TIAM1: variants seen among roughly 807,000 people sequenced by gnomAD.
TIAM1 encodes the protein rho guanine nucleotide exchange factor TIAM1.
TIAM1 carries 65 observed loss-of-function variants against 163.5 expected under a neutral mutation model. The ratio of observed to expected loss-of-function variants is 0.40; its 90% CI spans 0.33 to 0.49. The LOEUF is 0.49. Ranked by LOEUF, TIAM1 falls within the 20% of genes least tolerant of loss-of-function variation. The pLI, the probability that TIAM1 is intolerant of heterozygous loss-of-function variation, is 0.77. For missense variants in TIAM1, 1,789 were observed against 2,044.7 expected (o/e 0.87, Z 2.41); for synonymous variants, 833 against 810.1 (o/e 1.03, Z -0.48).
In TIAM1 at chr21:31,534,022, C is replaced by T. The variant is rs904195663; in HGVS notation, c.-422+24905G>A. On this transcript the variant is annotated intron_variant, in intron 1 of 28. Transcript: ENST00000286827. ...TCACACAGCCCCTCCAAAGGACACA[C>T]ATGCCCTGTGGTCTTTCGGAAATAC... Among the ~76,000 whole-genome samples the T allele has an allele frequency of 2.6e-5, 4 of 152,238 alleles. No homozygotes were observed. The East Asian group carries it at 7.7e-4, about 29-fold the overall frequency.
At chr21:31,216,542 A>C (rs2087223473) in intron 9 of TIAM1, among the ~76,000 whole-genome samples, 1 of 152,092 alleles carries the variant, frequency 6.6e-6, no homozygotes, top group Non-Finnish European at 1.5e-5. Flanking sequence ...TCATTTCTCA[A>C]AGCCGAACGA....
At chr21:31,245,756 G>A in intron 5 of TIAM1, 96 bp from the exon 6 acceptor site, 1 of 1,165,668 alleles carries the variant, frequency 8.6e-7, no homozygotes, top group Non-Finnish European at 1.1e-6. Flanking sequence ...GTCAGAGGCT[G>A]AAAATTAAAG....
intron 2 of TIAM1, among the ~76,000 whole-genome samples, chr21:31,367,385 C>A (rs2076521327): frequency 6.6e-6 from 1 of 152,172 alleles, no homozygotes; most frequent in Non-Finnish European, 1.5e-5. Context: ...CAGAATGGGA[C>A]TAGAAGTACC....
chr21:31,293,702 C>T (rs2074118452), intron 2 of TIAM1, among the ~76,000 whole-genome samples: 1 of 152,158 alleles, frequency 6.6e-6, no homozygotes, highest in Non-Finnish European at 1.5e-5. Context: ...ATGAAGAGGT[C>T]GCTGCGAAGA....
Position 31,396,951 on chromosome 21 carries a change from A to G in TIAM1, c.-368-57529T>C, listed in dbSNP as rs974218865. The stretch of plus-strand genomic sequence containing the variant: ...GCGACAGAGTGAGACTCCGTCACAC[A>G]CACAAAAAAAATTTAAATAATATTT... On this transcript the variant is annotated intron_variant, in intron 2 of 28. Transcript: ENST00000286827. 1.1e-4 allele frequency among the ~76,000 whole-genome samples: 16 copies of G among 151,386 alleles called. No individual in the cohort carries two copies. In the East Asian group the frequency reaches 1.6e-3, roughly 15 times the overall value.
At chr21:31,137,517 C>A (rs905208283) in intron 22 of TIAM1, among the ~76,000 whole-genome samples, 1 of 152,008 alleles carries the variant, frequency 6.6e-6, no homozygotes, top group East Asian at 1.9e-4. Flanking sequence ...GAGTTACATA[C>A]AAAAGACAAA....
intron 2 of TIAM1, among the ~76,000 whole-genome samples, chr21:31,431,135 CACTGGAAGA>C (rs1356417547): frequency 6.6e-6 from 1 of 152,186 alleles, no homozygotes; most frequent in East Asian, 1.9e-4. Flanking sequence ...CCCCCTTATC[CACTGGAAGA>C]ACAACCACTC....
At chr21:31,228,218 TTTAAA>T (rs2088115842) in intron 6 of TIAM1, among the ~76,000 whole-genome samples, 1 of 19,040 alleles carries the variant, frequency 5.3e-5, no homozygotes, top group Admixed American at 7.9e-4. Flanking sequence ...GCCTCCTTTT[TTTAAA>T]AAAAAAAAAA....
intron 2 of TIAM1, among the ~76,000 whole-genome samples, chr21:31,413,372 C>T (rs1365345826): frequency 6.6e-6 from 1 of 151,104 alleles, no homozygotes; most frequent in East Asian, 2.0e-4. Flanking sequence ...CGGGTTCACG[C>T]CATTCTCCTG....
chr21:31,266,133 A>G lies in TIAM1; in HGVS notation c.840T>C (p.Thr280=). 3.1e-6 allele frequency: 5 copies of G among 1,614,176 alleles called. No individual in the cohort carries two copies. Among genetic ancestry groups the G allele is most frequent in the Non-Finnish European group, 3.4e-6 (4 of 1,180,038 alleles). The change falls in exon 4 of 28, where the codon ACT becomes ACC. Residue 280 remains threonine (T), a synonymous_variant. Coordinates refer to ENST00000541036, the MANE Select transcript of TIAM1 (RefSeq NM_001353694.2). ...GTGTGTTATAATTACTGTACGGAGG[A>G]GTCTCTTCAGCAGCAGCTGGTGGCA... ...HKMPPAAAEE[T]PPYSNYNTLP... is the part of the protein sequence containing the mutation.
At chr21:31,204,479 A>C (rs2086353223) in intron 11 of TIAM1, among the ~76,000 whole-genome samples, 2 of 152,220 alleles carry the variant, frequency 1.3e-5, no homozygotes, top group South Asian at 4.1e-4. Context: ...AAATAAAGTT[A>C]ATTTTAACTG....
Position 31,228,225 on chromosome 21 carries a change from A to ATT in TIAM1, c.1585-2276_1585-2275insAA, listed in dbSNP as rs1569068597. On this transcript the variant is annotated intron_variant, in intron 6 of 27. Coordinates refer to ENST00000541036, the MANE Select transcript of TIAM1 (RefSeq NM_001353694.2). ...CATGCCCGGCCTCCTTTTTTTAAAAAAAAAAAAAAAAAAAAAAAAAAAAAA... is the reference window on the plus strand; with the variant it reads ...CATGCCCGGCCTCCTTTTTTTAAAAATTAAAAAAAAAAAAAAAAAAAAAAAAA... Among the ~76,000 whole-genome samples, 236 of 25,930 alleles carry ATT rather than the reference A, an allele frequency of 9.1e-3. 9 individuals are homozygous for ATT. Among genetic ancestry groups the ATT allele is most frequent in the African/African-American group, 0.026 (220 of 8,354 alleles). The allele number at this position is 25,930 out of a possible 152,430, so 17.0% of individuals were successfully genotyped here. A position where few individuals can be genotyped will look rare whatever the true frequency, so the allele number is the denominator to read the frequency against.
chr21:31,477,679 T>C (rs1307682997), intron 1 of TIAM1, among the ~76,000 whole-genome samples: 1 of 152,092 alleles, frequency 6.6e-6, no homozygotes, highest in Non-Finnish European at 1.5e-5. Context: ...TTTCACCATG[T>C]TGGCCAGGCT....
Position 31,141,403 on chromosome 21 carries a change from T to C in TIAM1, c.3577A>G (p.Ile1193Val). The C allele has an allele frequency of 6.2e-7, 1 of 1,614,204 alleles. No homozygotes were observed. Among genetic ancestry groups the C allele is most frequent in the Non-Finnish European group, 8.5e-7 (1 of 1,180,044 alleles). ...ESYLIKPIQR[I>V]LKYPLLLREL... ...CTGAGCAGAAGTGGGTACTTGAGGA[T>C]CCTCTGGATGGGCTTGATGAGGTAC... The change falls in exon 21 of 28, where the codon ATC (isoleucine) becomes GTC (valine). Residue 1193 changes from isoleucine (I) to valine (V), a missense_variant. Physicochemically the swap from Ile to Val is conservative, Grantham distance 29. Coordinates refer to ENST00000541036, the MANE Select transcript of TIAM1 (RefSeq NM_001353694.2). This position sits in a 1 kb window ranked among gnomAD's most constrained non-coding sequence, Gnocchi z 4.7.
In TIAM1 at chr21:31,525,426, G is replaced by C. The variant is rs144646979; in HGVS notation, c.-422+33501C>G. Among the ~76,000 whole-genome samples, 426 of 151,192 alleles carry C rather than the reference G, an allele frequency of 2.8e-3. 6 individuals carry two copies. The highest frequency in any genetic ancestry group is 9.2e-3 in the African/African-American group (381 of 41,200). On this transcript the variant is annotated intron_variant, in intron 1 of 28. Transcript: ENST00000286827. ...CTCATAGAGCGAGAACTCGCTCCTT[G>C]TGAGAATGGCACCAAGGCATTCATG...
chr21:31,303,749 G>A (rs569997705), intron 2 of TIAM1, among the ~76,000 whole-genome samples: 8 of 152,138 alleles, frequency 5.3e-5, no homozygotes, highest in South Asian at 2.1e-4. Flanking sequence ...AGGCTGAGGC[G>A]GGTGGATCAC....
intron 1 of TIAM1, among the ~76,000 whole-genome samples, chr21:31,542,567 G>A (rs36038702): frequency 0.15 from 23,368 of 152,134 alleles, 1,956 homozygotes; most frequent in Non-Finnish European, 0.18. Context: ...ACTCCCTCAA[G>A]GATCATCCAT....
At chr21:31,474,657 T>C (rs1000707699) in intron 1 of TIAM1, among the ~76,000 whole-genome samples, 2 of 151,766 alleles carry the variant, frequency 1.3e-5, no homozygotes, top group African/African-American at 4.8e-5. Flanking sequence ...GCGATTCTCC[T>C]GCCTCAGCCT....
chr21:31,501,306 G>A (rs535629416), intron 1 of TIAM1, among the ~76,000 whole-genome samples: 6 of 152,204 alleles, frequency 3.9e-5, no homozygotes, highest in South Asian at 2.1e-4. Flanking sequence ...GTGAAGAACC[G>A]GGGTGCTGGA....
Sources: gnomAD v4.1 joint callset for allele counts (sites outside exome capture counted in the v4.1 genomes callset) on GRCh38, gnomAD v4.1.1 for gene constraint, Gnocchi (gnomAD v3.1) non-coding constraint, MANE v1.5 for transcripts, NCBI Gene and HGNC (gene_info 2026-07-23, HGNC 2026-07-21) for gene names.